Variants in CRISP2 observed in about 807,000 individuals in gnomAD.
CRISP2 encodes the protein cysteine-rich secretory protein 2.
Under a neutral mutation model 31.7 loss-of-function variants are expected in CRISP2, and 29 were observed. The ratio of observed to expected loss-of-function variants is 0.92; its 90% confidence interval spans 0.68 to 1.25. The LOEUF is 1.25. Among genes scored for constraint, CRISP2 ranks in the 50% most tolerant of loss-of-function variants. CRISP2 has a pLI of 0.00. For synonymous variants in CRISP2, 111 were observed against 101.4 expected, an observed-to-expected ratio of 1.09 and a Z score of -0.57; for missense variants, 318 against 286.5, an observed-to-expected ratio of 1.11 and a Z score of -0.79.
chr6:49,703,941 A>G (rs1288355673), intron 4 of CRISP2, among the ~76,000 whole-genome samples: 2 of 152,126 alleles, frequency 1.3e-5, no homozygotes, highest in African/African-American at 2.4e-5. Context: ...TATTCCCTCA[A>G]ATAAGTTTTC....
chr6:49,711,056 G>A (rs1252526284), intron 3 of CRISP2, among the ~76,000 whole-genome samples: 1 of 152,090 alleles, frequency 6.6e-6, no homozygotes, highest in Middle Eastern at 3.2e-3. Context: ...GAGGTGGGAT[G>A]ATCATTTGAG....
intron 4 of CRISP2, among the ~76,000 whole-genome samples, chr6:49,702,464 G>T (rs913410457): frequency 1.3e-5 from 2 of 151,328 alleles, no homozygotes; most frequent in African/African-American, 4.9e-5. Flanking sequence ...ATCCACACCG[G>T]TATCTATTAT....
chr6:49,678,955 A>G, the CRISP2 span, among the ~76,000 whole-genome samples: 1 of 152,136 alleles, frequency 6.6e-6, no homozygotes, highest in Non-Finnish European at 1.5e-5. Context: ...AATGAATGGG[A>G]CAATTTTAAT....
rs190131453 is a variant in CRISP2, at chr6:49,712,293, T to C, written c.-47+208A>G. 1.9e-3 allele frequency among the ~76,000 whole-genome samples: 285 copies of C among 152,332 alleles called. 1 individual carries two copies. Among genetic ancestry groups the C allele is most frequent in the African/African-American group, 6.3e-3 (262 of 41,576 alleles). On this transcript the variant is annotated intron_variant, in intron 2 of 9. Transcript: ENST00000339139. The stretch of plus-strand genomic sequence containing the variant: ...TATAATAGGCCATGATGCCATACTC[T>C]CCTCTTTGCTGCTCTTCTCTCTCAT...
chr6:49,702,902 T>C (rs1766346235), intron 4 of CRISP2, among the ~76,000 whole-genome samples: 1 of 152,134 alleles, frequency 6.6e-6, no homozygotes, highest in African/African-American at 2.4e-5. Flanking sequence ...CTTAAGCCAA[T>C]GTCTAAAAGA....
At chr6:49,682,577 CTTTCTT>C in the CRISP2 span, among the ~76,000 whole-genome samples, 1 of 97,892 alleles carries the variant, frequency 1.0e-5, no homozygotes, top group African/African-American at 4.0e-5. Context: ...CTTTCTTTTT[CTTTCTT>C]TCTTTTTCTT....
At chr6:49,686,644 G>T in the CRISP2 span, among the ~76,000 whole-genome samples, 1 of 152,188 alleles carries the variant, frequency 6.6e-6, no homozygotes, top group East Asian at 1.9e-4. Flanking sequence ...AGTTGGTGTG[G>T]CGATTCCTCA....
chr6:49,697,773 T>C (rs1400092729), intron 8 of CRISP2, 87 bp downstream of exon 8: 4 of 1,601,980 alleles, frequency 2.5e-6, no homozygotes, highest in East Asian at 4.5e-5. Context: ...TTGAGATATG[T>C]TTTCATTCTG....
chr6:49,703,229 T>A (rs1561881222), intron 4 of CRISP2, among the ~76,000 whole-genome samples: 1 of 152,200 alleles, frequency 6.6e-6, no homozygotes, highest in South Asian at 2.1e-4. Flanking sequence ...AGCCATGTAG[T>A]ATAGTTTAAA....
At chr6:49,702,136 GTACTATATA>G (rs1561878700) in intron 4 of CRISP2, among the ~76,000 whole-genome samples, 2 of 348 alleles carry the variant, frequency 5.7e-3, no homozygotes, top group African/African-American at 0.012. Flanking sequence ...ATATATATGT[GTACTATATA>G]TATATATATA....
intron 2 of CRISP2, 90 bp from the exon 3 acceptor site, chr6:49,711,411 C>G (rs1767992996): frequency 1.3e-5 from 2 of 152,178 alleles, no homozygotes; most frequent in Admixed American, 1.3e-4. Flanking sequence ...TTAAATAAAT[C>G]TAAGTCAACA....
chr6:49,682,688 TTC>T, the CRISP2 span, among the ~76,000 whole-genome samples: 10 of 149,462 alleles, frequency 6.7e-5, no homozygotes, highest in African/African-American at 2.2e-4. Flanking sequence ...TTCTGTCTCT[TTC>T]TCTTTCTTTT....
intron 4 of CRISP2, among the ~76,000 whole-genome samples, chr6:49,707,570 G>C (rs975276581): frequency 2.0e-5 from 3 of 152,130 alleles, no homozygotes; most frequent in Admixed American, 1.3e-4. Flanking sequence ...AAATCTTTCA[G>C]GGAAAGAAAT....
rs1321331015 is a variant in CRISP2 at position 49,698,041 on chromosome 6, A to G, written c.418-84T>C. On this transcript the variant is annotated intron_variant, in intron 7 of 9. Transcript: ENST00000339139. ...TAAAAAAGTAGCAAATATAAAACTG[A>G]AAAATGTTAGTTTTATAGACATATA... is the stretch of plus-strand genomic sequence containing the variant. The G allele has an allele frequency of 9.0e-6, 10 of 1,105,710 alleles. No homozygotes were observed. In the African/African-American group the frequency reaches 1.1e-4, roughly 12 times the overall value. 68.5% of individuals were successfully genotyped at this position (1,105,710 alleles called of 1,614,324 possible).
chr6:49,693,417 T>C (rs1291981512), intron 9 of CRISP2, among the ~76,000 whole-genome samples: 3 of 152,192 alleles, frequency 2.0e-5, no homozygotes, highest in South Asian at 2.1e-4. Flanking sequence ...TTGGGCAGCA[T>C]GGCATTACAC....
Position 49,695,842 on chromosome 6 carries a change from G to T in CRISP2, c.598C>A (p.Leu200Ile). 1 of 1,608,924 alleles carries T rather than the reference G, an allele frequency of 6.2e-7. No homozygotes were observed. Among genetic ancestry groups the T allele is most frequent in the Non-Finnish European group, 8.5e-7 (1 of 1,176,066 alleles). Reference sequence around the variant, plus strand: ...CTAATCACTTCAAACTTACTGCATAGTCCTTTGTCACAGTCATCAGGGCAA... The same window carrying T: ...CTAATCACTTCAAACTTACTGCATATTCCTTTGTCACAGTCATCAGGGCAA... ...AGCPDDCDKG[L>I]CTNSCQYQDL... Residue 200 changes from leucine (L) to isoleucine (I), a missense_variant, in exon 9 of 10, where the codon CTA becomes ATA. Leu to Ile is a conservative substitution (Grantham distance 5). Coordinates refer to ENST00000339139, the MANE Select transcript of CRISP2 (RefSeq NM_003296.4).
At chr6:49,700,833 C>T (rs1397543703) in intron 4 of CRISP2, 49 bp from the exon 5 acceptor site, 5 of 1,173,478 alleles carry the variant, frequency 4.3e-6, no homozygotes, top group Middle Eastern at 2.0e-4. Flanking sequence ...TTGTAAATTT[C>T]ATATAATAGT....
At chr6:49,712,880 C>T (rs1354156009) in intron 1 of CRISP2, among the ~76,000 whole-genome samples, 1 of 152,128 alleles carries the variant, frequency 6.6e-6, no homozygotes, top group Admixed American at 6.5e-5. Flanking sequence ...TGGAAAATTG[C>T]AACCTTTTTT....
In CRISP2 at chr6:49,709,270, A is replaced by AT. The variant is rs1767592326; in HGVS notation, c.-9-66dup. The AT allele has an allele frequency of 3.8e-6, 5 of 1,328,448 alleles. No individual in the cohort carries two copies. In the East Asian group the frequency reaches 1.2e-4, roughly 31 times the overall value. The allele number at this position is 1,328,448 out of a possible 1,614,324, so 82.3% of individuals were successfully genotyped here. A position where few individuals can be genotyped will look rare whatever the true frequency, so the allele number is the denominator to read the frequency against. ...GTTTAAAAAACTTCTAAGAGGGGGAATACCAATATAATGATCTCGATTATC... is the reference window on the plus strand; with the variant it reads ...GTTTAAAAAACTTCTAAGAGGGGGAATTACCAATATAATGATCTCGATTATC... On this transcript the variant is annotated intron_variant, in intron 3 of 9. Transcript: ENST00000339139.
Sources: allele counts gnomAD v4.1 joint callset (sites outside exome capture counted in the v4.1 genomes callset), GRCh38; gene constraint gnomAD v4.1.1; transcripts MANE v1.5; gene names NCBI Gene and HGNC (gene_info 2026-07-23, HGNC 2026-07-21).